Variants in CCT6B observed in about 807,000 individuals in gnomAD.
The protein encoded by CCT6B is probable T-complex protein 1 subunit zeta-2.
Under a neutral mutation model 61.5 loss-of-function variants are expected in CCT6B, and 49 were observed. That is an observed-to-expected ratio of 0.80 (90% CI 0.63 to 1.01). The LOEUF (loss-of-function observed/expected upper bound fraction) is 1.01, where lower values mean the gene tolerates loss of function less well. Ranked by LOEUF, CCT6B falls within the 50% of genes least tolerant of loss-of-function variation. The pLI is 0.00. For missense variants in CCT6B, 666 were observed against 634.7 expected (o/e 1.05, Z -0.53); for synonymous variants, 228 against 214.5 (o/e 1.06, Z -0.55).
Position 34,939,283 on chromosome 17 carries a change from A to G in CCT6B, c.1113T>C (p.Ser371=). The stretch of plus-strand genomic sequence containing the variant: ...TTGGTCCTTTAACCAACAAGGTAAC[A>G]GAGCAAGGGTTAACACACTCCTCAA... ...TFIEECVNPC[S]VTLLVKGPNK... Residue 371 remains serine, a synonymous_variant, in exon 10 of 14, where the codon TCT becomes TCC. Transcript: ENST00000314144. The G allele has an allele frequency of 6.2e-7, 1 of 1,613,974 alleles. No individual in the cohort carries two copies. The highest frequency in any genetic ancestry group is 8.5e-7 in the Non-Finnish European group (1 of 1,179,916).
intron 5 of CCT6B, among the ~76,000 whole-genome samples, chr17:34,947,589 C>G (rs1333101709): frequency 1.3e-5 from 2 of 152,132 alleles, no homozygotes; most frequent in African/African-American, 4.8e-5. Context: ...CAAAGAAAAA[C>G]TGAAAGTATG....
At chr17:34,952,165 C>T (rs2090299293) in intron 4 of CCT6B, 112 bp from the exon 5 acceptor site, 1 of 620,038 alleles carries the variant, frequency 1.6e-6, no homozygotes, top group Admixed American at 3.2e-5. Flanking sequence ...GGATTCAAAA[C>T]CTAGGGCAAG....
intron 4 of CCT6B, among the ~76,000 whole-genome samples, chr17:34,953,342 T>TATATATATA (rs1491150963): frequency 1.6e-5 from 2 of 125,484 alleles, no homozygotes; most frequent in Admixed American, 8.0e-5. Context: ...TATATATATA[T>TATATATATA]TTTTTTGAGA....
At chr17:34,935,432 A>T (rs562513787) in intron 10 of CCT6B, among the ~76,000 whole-genome samples, 66 of 152,376 alleles carry the variant, frequency 4.3e-4, no homozygotes, top group Middle Eastern at 3.4e-3. Context: ...ATCACAATTT[A>T]AAAAATAATT....
chr17:34,953,318 A>AAT (rs757786280), intron 4 of CCT6B, among the ~76,000 whole-genome samples: 197 of 141,090 alleles, frequency 1.4e-3, no homozygotes, highest in East Asian at 3.3e-3. Context: ...CTTTATATAA[A>AAT]ATATATATAT....
chr17:34,942,459 C>G (rs1363451227), intron 7 of CCT6B, 25 bp downstream of exon 7: 3 of 1,563,658 alleles, frequency 1.9e-6, no homozygotes, highest in Non-Finnish European at 2.6e-6. Flanking sequence ...TTACAAATAA[C>G]TAAAATCTAA....
At chr17:34,950,928 C>CAAA (rs773347367) in intron 5 of CCT6B, among the ~76,000 whole-genome samples, 8 of 96,680 alleles carry the variant, frequency 8.3e-5, no homozygotes, top group African/African-American at 3.8e-5. Flanking sequence ...GACTCCATCT[C>CAAA]AAAAAAAAAA....
At position 34,958,696 on chromosome 17, in the gene CCT6B, T is replaced by C. The variant is rs761301192; in HGVS notation, c.202-2A>G. 2 of 1,589,586 alleles carry C rather than the reference T, an allele frequency of 1.3e-6. No homozygotes were observed. Among genetic ancestry groups the C allele is most frequent in the Admixed American group, 1.8e-5 (1 of 56,212 alleles). ...GGAAGCTGTTGGATGTTGAATTTGC[T>C]GGAAAAAGCAAGCAACAGATTTAAA... On this transcript the variant is annotated splice_acceptor_variant, in intron 2 of 13. Transcript: ENST00000314144. LOFTEE classifies it high-confidence loss of function.
intron 3 of CCT6B, among the ~76,000 whole-genome samples, chr17:34,956,188 T>A (rs546769800): frequency 6.6e-6 from 1 of 152,260 alleles, no homozygotes; most frequent in Non-Finnish European, 1.5e-5. Flanking sequence ...TCCAGCCTCT[T>A]CTCCACTACT....
At chr17:34,931,178 A>G in intron 11 of CCT6B, 127 bp from the exon 12 acceptor site, 1 of 269,318 alleles carries the variant, frequency 3.7e-6, no homozygotes, top group Non-Finnish European at 6.7e-6. Flanking sequence ...CTCCTTTTGA[A>G]GAATTCCACT....
intron 7 of CCT6B, among the ~76,000 whole-genome samples, chr17:34,941,376 T>C (rs191417384): frequency 5.3e-4 from 80 of 152,312 alleles, no homozygotes; most frequent in Admixed American, 2.4e-3. Flanking sequence ...GTAGAAACTG[T>C]GTCATGTTAT....
At chr17:34,935,086 A>G (rs750761485) in intron 10 of CCT6B, among the ~76,000 whole-genome samples, 23 of 152,356 alleles carry the variant, frequency 1.5e-4, no homozygotes, top group Admixed American at 3.9e-4. Context: ...AAAGGAAGGA[A>G]ATTCTGGCAC....
At position 34,932,411 on chromosome 17, in the gene CCT6B, G is replaced by C. The variant is rs2090045621; in HGVS notation, c.1303C>G (p.Leu435Val). 6.2e-7 allele frequency: 1 copy of C among 1,612,134 alleles called. No homozygotes were observed. Among genetic ancestry groups the C allele is most frequent in the African/African-American group, 1.3e-5 (1 of 74,864 alleles). ...GCATCAGCAAAAGCTTGGACTCCAA[G>C]ACGAGCTCTTCCTTTTATACTGTTC... is the stretch of plus-strand genomic sequence containing the variant. ...YKNSIKGRARLGVQAFADALL... is the reference protein window; with the variant it reads ...YKNSIKGRARVGVQAFADALL... Residue 435 changes from leucine to valine, a missense_variant, in exon 11 of 14, where the codon CTT (leucine) becomes GTT (valine). Physicochemically the swap from Leu to Val is conservative, Grantham distance 32. Transcript: ENST00000314144.
At chr17:34,946,550 T>TA (rs1362863972) in intron 5 of CCT6B, among the ~76,000 whole-genome samples, 1 of 152,002 alleles carries the variant, frequency 6.6e-6, no homozygotes, top group Non-Finnish European at 1.5e-5. Context: ...CACACAGATA[T>TA]AAAAAATTCA....
At chr17:34,934,155 A>G (rs2090069043) in intron 10 of CCT6B, among the ~76,000 whole-genome samples, 1 of 151,272 alleles carries the variant, frequency 6.6e-6, no homozygotes. Context: ...AAAAAAAACT[A>G]AAAAAGGAAG....
intron 2 of CCT6B, 114 bp downstream of exon 2, chr17:34,959,473 A>G (rs563887298): frequency 7.9e-6 from 6 of 759,218 alleles, no homozygotes; most frequent in African/African-American, 6.9e-5. Context: ...AGTCTTCAGC[A>G]TATCTCAAGA....
chr17:34,935,619 G>C (rs1437985218), intron 10 of CCT6B, among the ~76,000 whole-genome samples: 1 of 152,064 alleles, frequency 6.6e-6, no homozygotes, highest in African/African-American at 2.4e-5. Context: ...CCTTTGGGAG[G>C]CCAAGGCAAG....
intron 10 of CCT6B, among the ~76,000 whole-genome samples, chr17:34,938,735 T>G (rs1251333279): frequency 6.6e-6 from 1 of 151,856 alleles, no homozygotes; most frequent in Non-Finnish European, 1.5e-5. Context: ...TTTCAAAACC[T>G]GGTCTCAAAA....
chr17:34,954,566 C>G lies in CCT6B; in HGVS notation c.370G>C (p.Glu124Gln). 1 of 1,613,564 alleles carries G rather than the reference C, an allele frequency of 6.2e-7. No homozygotes were observed. Among genetic ancestry groups the G allele is most frequent in the Non-Finnish European group, 8.5e-7 (1 of 1,179,780 alleles). ...TCAAGTGCTTTTATCTTTGCAGCTT[C>G]AAATCCTTCAGCTATTATTCTAGGG... The part of the protein sequence containing the change: ...LHPRIIAEGF[E>Q]AAKIKALEVL... The change falls in exon 4 of 14, where the codon GAA becomes CAA. Residue 124 changes from glutamate (E) to glutamine (Q), a missense_variant. Physicochemically the swap from Glu to Gln is conservative, Grantham distance 29 (BLOSUM62 2). Transcript: ENST00000314144.
Sources: allele counts gnomAD v4.1 joint callset (sites outside exome capture counted in the v4.1 genomes callset), GRCh38; gene constraint gnomAD v4.1.1; transcripts MANE v1.5; gene names NCBI Gene and HGNC (gene_info 2026-07-23, HGNC 2026-07-21).